FAT1: variants seen among roughly 807,000 people sequenced by gnomAD.
The protein encoded by FAT1 is protocadherin Fat 1.
Under a neutral mutation model 329.8 loss-of-function variants are expected in FAT1, and 171 were observed. That is an observed-to-expected ratio of 0.52 (90% CI 0.46 to 0.59). The LOEUF (loss-of-function observed/expected upper bound fraction) is 0.59. Ranked by LOEUF, FAT1 falls within the 20% of genes least tolerant of loss-of-function variation. The pLI is 0.00. For synonymous variants in FAT1, 2,233 were observed against 2,228.6 expected (o/e 1.00, Z -0.06); for missense variants, 5,672 against 5,774.4 (o/e 0.98, Z 0.57).
intron 2 of FAT1, among the ~76,000 whole-genome samples, chr4:186,686,841 CA>C (rs1743492850): frequency 6.6e-6 from 1 of 152,138 alleles, no homozygotes; most frequent in African/African-American, 2.4e-5. Context: ...TGAATTAACT[CA>C]TAGGGATACT....
chr4:186,720,205 T>A (rs1180679440), intron 1 of FAT1, among the ~76,000 whole-genome samples: 1 of 152,184 alleles, frequency 6.6e-6, no homozygotes, highest in Admixed American at 6.5e-5. Flanking sequence ...ATGCAAACAT[T>A]ACTATTTTCT....
At position 186,706,752 on chromosome 4, in the gene FAT1, T is replaced by C. The variant is rs2126682917; in HGVS notation, c.3076A>G (p.Asn1026Asp). The change falls in exon 2 of 27, where the codon AAT (asparagine) becomes GAT (aspartate). Residue 1026 changes from asparagine to aspartate, a missense_variant. Around this residue, in one of 2 missense-constraint regions of FAT1, gnomAD observed 3,966 missense variants for 3,915.2 expected, o/e 1.01. Coordinates refer to ENST00000441802, the MANE Select transcript of FAT1 (RefSeq NM_005245.4). The part of the protein sequence containing the change: ...CYVEVEVVDV[N>D]ENLHPPVFSS... ...AACACGGGTGGGTGCAGGTTCTCATTCACATCAACCACCTCAACTTCAACA... is the reference window on the plus strand; with the variant it reads ...AACACGGGTGGGTGCAGGTTCTCATCCACATCAACCACCTCAACTTCAACA... 6.2e-7 allele frequency: 1 copy of C among 1,613,980 alleles called. No homozygotes were observed. The highest frequency in any genetic ancestry group is 1.1e-5 in the South Asian group (1 of 91,084).
upstream of FAT1, among the ~76,000 whole-genome samples, chr4:186,726,041 CG>C (rs1414664193): frequency 6.6e-6 from 1 of 152,222 alleles, no homozygotes; most frequent in Non-Finnish European, 1.5e-5. Context: ...CTGCAAATCT[CG>C]CGGCCCCGAT....
At chr4:186,713,694 C>T (rs1745075504) in intron 1 of FAT1, among the ~76,000 whole-genome samples, 1 of 152,172 alleles carries the variant, frequency 6.6e-6, no homozygotes, top group Non-Finnish European at 1.5e-5. Context: ...CTCGCTCTCT[C>T]ACCCAGGCTG....
At chr4:186,594,230 TG>T (rs1579286510) in intron 26 of FAT1, among the ~76,000 whole-genome samples, 1 of 151,936 alleles carries the variant, frequency 6.6e-6, no homozygotes, top group African/African-American at 2.4e-5. Context: ...CACGCCCGGC[TG>T]ATTTTTTTTA....
chr4:186,682,249 G>A (rs1743248329), intron 2 of FAT1, among the ~76,000 whole-genome samples: 1 of 152,046 alleles, frequency 6.6e-6, no homozygotes, highest in South Asian at 2.1e-4. Flanking sequence ...AATGTTAGCC[G>A]GGCGCGGTGG....
intron 4 of FAT1, 78 bp from the exon 5 acceptor site, chr4:186,636,992 C>G (rs1275924833): frequency 1.6e-6 from 2 of 1,278,854 alleles, no homozygotes. Flanking sequence ...TCATGCTACT[C>G]CGCATGTGTG....
rs1218616471 is a variant in FAT1, at chr4:186,613,280, T to A, written c.9292A>T (p.Arg3098Trp). The A allele has an allele frequency of 6.2e-7, 1 of 1,614,036 alleles. No homozygotes were observed. The highest frequency in any genetic ancestry group is 8.5e-7 in the Non-Finnish European group (1 of 1,179,890). The part of the protein sequence containing the change: ...EEQAVYHLLV[R>W]ATDGGGRFCQ... ...AATCTTCCTCCTCCATCTGTGGCCC[T>A]GACGAGAAGATGATAAACAGCTTGC... The change falls in exon 13 of 27, where the codon AGG becomes TGG. Residue 3098 changes from arginine to tryptophan, a missense_variant. Physicochemically the swap from Arg to Trp is moderately radical, Grantham distance 101 (BLOSUM62 -3). Coordinates refer to ENST00000441802, the MANE Select transcript of FAT1 (RefSeq NM_005245.4).
chr4:186,605,661 G>C (rs1204585924), intron 17 of FAT1, among the ~76,000 whole-genome samples: 1 of 149,966 alleles, frequency 6.7e-6, no homozygotes, highest in African/African-American at 2.5e-5. Flanking sequence ...AAGAGGTGGA[G>C]GGAGGAGGAG....
At chr4:186,696,601 TA>T (rs1160306926) in intron 2 of FAT1, among the ~76,000 whole-genome samples, 1 of 152,026 alleles carries the variant, frequency 6.6e-6, no homozygotes, top group Non-Finnish European at 1.5e-5. Flanking sequence ...AAGAGGCAAG[TA>T]AAAAAATTAA....
rs370839384 is a variant in FAT1 at position 186,617,853 on chromosome 4, G to A, written c.8733C>T (p.Val2911=). ...TAIVDVTVTD[V]NDSPPRFTAE... is the part of the protein sequence containing the mutation. Reference sequence around the variant, plus strand: ...CCGTGAATCGTGGTGGACTATCGTTGACATCGGTGACGGTAACATCCACAA... The same window carrying A: ...CCGTGAATCGTGGTGGACTATCGTTAACATCGGTGACGGTAACATCCACAA... The change falls in exon 10 of 27, where the codon GTC becomes GTT. Residue 2911 remains valine (V), a synonymous_variant. Transcript: ENST00000441802. The A allele has an allele frequency of 7.1e-5, 114 of 1,613,810 alleles. No homozygotes were observed. Among genetic ancestry groups the A allele is most frequent in the Non-Finnish European group, 9.2e-5 (108 of 1,179,878 alleles).
In FAT1 at chr4:186,628,537, G is replaced by T. The variant is rs1389066376; in HGVS notation, c.4550C>A (p.Ser1517Tyr). 1.2e-6 allele frequency: 2 copies of T among 1,614,028 alleles called. No individual in the cohort carries two copies. The highest frequency in any genetic ancestry group is 2.7e-5 in the African/African-American group (2 of 75,052). ...LDPATGSLYT[S>Y]EKLDHEAVHQ... The stretch of plus-strand genomic sequence containing the variant: ...AACAGCTTCATGATCCAGTTTCTCA[G>T]AAGTATAGAGAGAGCCGGTTGCAGG... Residue 1517 changes from serine to tyrosine, a missense_variant, in exon 8 of 27, where the codon TCT (serine) becomes TAT (tyrosine). Ser to Tyr is a moderately radical substitution (Grantham distance 144). This residue lies in a region of FAT1 where 3,966 missense variants were observed against 3,915.2 expected (regional missense o/e 1.01). Coordinates refer to ENST00000441802, the MANE Select transcript of FAT1 (RefSeq NM_005245.4).
chr4:186,638,227 C>A (rs1740924208), intron 4 of FAT1, among the ~76,000 whole-genome samples: 1 of 152,194 alleles, frequency 6.6e-6, no homozygotes. Context: ...ATTTCCCATC[C>A]ATGTCCAAAT....
chr4:186,692,564 G>A (rs1415856193), intron 2 of FAT1, among the ~76,000 whole-genome samples: 3 of 152,044 alleles, frequency 2.0e-5, no homozygotes, highest in Non-Finnish European at 4.4e-5. Context: ...CGCCCGCCTC[G>A]GCCTCCCAAA....
At chr4:186,615,226 G>C (rs1739656170) in intron 11 of FAT1, among the ~76,000 whole-genome samples, 8 of 152,110 alleles carry the variant, frequency 5.3e-5, no homozygotes, top group Admixed American at 5.2e-4. Flanking sequence ...GTAAGAGAGA[G>C]AGAATGTCGC....
intron 9 of FAT1, among the ~76,000 whole-genome samples, chr4:186,625,938 C>A (rs1484455929): frequency 1.4e-5 from 2 of 147,574 alleles, no homozygotes; most frequent in Non-Finnish European, 3.0e-5. Flanking sequence ...GTGAGCTTCA[C>A]CAGCCCACAG....
At position 186,619,879 on chromosome 4, in the gene FAT1, A is replaced by T; in HGVS notation, c.6707T>A (p.Ile2236Asn). 6.2e-7 allele frequency: 1 copy of T among 1,613,986 alleles called. No individual in the cohort carries two copies. Among genetic ancestry groups the T allele is most frequent in the Non-Finnish European group, 8.5e-7 (1 of 1,179,890 alleles). Reference protein sequence around the residue: ...QFTINFNTGVINVIAPLDFEA... With the variant: ...QFTINFNTGVNNVIAPLDFEA... ...AAAGTCCAGAGGAGCTATGACATTGATAACTCCAGTATTGAAGTTAATAGT... is the reference window on the plus strand; with the variant it reads ...AAAGTCCAGAGGAGCTATGACATTGTTAACTCCAGTATTGAAGTTAATAGT... Residue 2236 changes from isoleucine (I) to asparagine (N), a missense_variant, in exon 10 of 27, where the codon ATC (isoleucine) becomes AAC (asparagine). Around this residue, in one of 2 missense-constraint regions of FAT1, gnomAD observed 3,966 missense variants for 3,915.2 expected, o/e 1.01. Coordinates refer to ENST00000441802, the MANE Select transcript of FAT1 (RefSeq NM_005245.4).
chr4:186,699,696 A>G (rs1330609726), intron 2 of FAT1, among the ~76,000 whole-genome samples: 5 of 118,364 alleles, frequency 4.2e-5, no homozygotes, highest in Admixed American at 2.5e-4. Context: ...TGCTGTTTGA[A>G]AAAAAAAAAA....
chr4:186,661,548 C>T lies in FAT1; in HGVS notation c.3580+1751G>A, dbSNP rs12646147. Among the ~76,000 whole-genome samples the T allele has an allele frequency of 8.1e-3, 1,234 of 152,286 alleles. 47 individuals carry two copies. In the East Asian group the frequency reaches 0.12, roughly 15 times the overall value. ...GGTGAACAAGAACTCATCCAGGTGCCGGGAGGGTGGTACACCCTGACTCTA... is the reference window on the plus strand; with the variant it reads ...GGTGAACAAGAACTCATCCAGGTGCTGGGAGGGTGGTACACCCTGACTCTA... On this transcript the variant is annotated intron_variant, in intron 3 of 26. Coordinates refer to ENST00000441802, the MANE Select transcript of FAT1 (RefSeq NM_005245.4).
Sources: gnomAD v4.1 joint callset for allele counts (sites outside exome capture counted in the v4.1 genomes callset) on GRCh38, gnomAD v4.1.1 for gene constraint, gnomAD v4.1.1 regional missense constraint, MANE v1.5 for transcripts, NCBI Gene and HGNC (gene_info 2026-07-23, HGNC 2026-07-21) for gene names.